The following PABPC1L variants were observed in gnomAD, a reference collection of about 807,000 sequenced individuals.
PABPC1L encodes polyadenylate-binding protein 1-like.
In PABPC1L, 31 loss-of-function variants were observed where a neutral mutation model predicts 66.6. The observed-to-expected ratio is 0.47, with a 90% CI of 0.35 to 0.63. The LOEUF is 0.63. PABPC1L is among the 20% of genes least tolerant of loss of function. The pLI, the probability that PABPC1L is intolerant of heterozygous loss-of-function variation, is 0.00. For missense variants in PABPC1L, 722 were observed against 848.8 expected (o/e 0.85, Z 1.86); for synonymous variants, 348 against 335.1 (o/e 1.04, Z -0.42).
chr20:44,930,769 C>T lies in PABPC1L; in HGVS notation c.1239+43C>T, dbSNP rs2066847044. 1.9e-6 allele frequency: 3 copies of T among 1,593,136 alleles called. No individual in the cohort carries two copies. The African/African-American group carries it at 4.0e-5, about 21-fold the overall frequency. Reference sequence around the variant, plus strand: ...ACTCCCACCGCAGCCTTCCCCCCTGCCCCAGCAAGGCAGAGCATGAAGACT... The same window carrying T: ...ACTCCCACCGCAGCCTTCCCCCCTGTCCCAGCAAGGCAGAGCATGAAGACT... On this transcript the variant is annotated intron_variant, in intron 8 of 14. Coordinates refer to ENST00000217073, the MANE Select transcript of PABPC1L (RefSeq NM_001372179.1).
intron 13 of PABPC1L, 97 bp downstream of exon 13, chr20:44,938,288 A>C: frequency 6.9e-7 from 1 of 1,457,280 alleles, no homozygotes; most frequent in Non-Finnish European, 9.1e-7. Flanking sequence ...CTGTTTGGCC[A>C]GATAAAGTGT....
At chr20:44,937,979 C>T in intron 12 of PABPC1L, 82 bp from the exon 13 acceptor site, 2 of 1,583,946 alleles carry the variant, frequency 1.3e-6, no homozygotes, top group Non-Finnish European at 1.7e-6. Context: ...CAGATGTCCT[C>T]AGTGCTCCAC....
chr20:44,924,075 TGTACCTGCGTCA>T, intron 6 of PABPC1L, 74 bp from the exon 7 acceptor site: 1 of 1,111,090 alleles, frequency 9.0e-7, no homozygotes, highest in East Asian at 2.4e-5. Flanking sequence ...CCATGCCCCT[TGTACCTGCGTCA>T]GTTCCCTGAT....
chr20:44,923,711 C>T (rs1018915758), intron 6 of PABPC1L, among the ~76,000 whole-genome samples: 4 of 152,016 alleles, frequency 2.6e-5, no homozygotes, highest in East Asian at 1.9e-4. Context: ...AGTAAGTGCC[C>T]GAGGTTCCTG....
chr20:44,930,448 T>G lies in PABPC1L; in HGVS notation c.973-12T>G. On this transcript the variant is annotated splice_polypyrimidine_tract_variant and intron_variant, in intron 7 of 14. Coordinates refer to ENST00000217073, the MANE Select transcript of PABPC1L (RefSeq NM_001372179.1). ...CCCCACCCCAGCAGCTCTTGTCTTGTCTTGCTTTTAGGTGATGACAGAGGG... is the reference window on the plus strand; with the variant it reads ...CCCCACCCCAGCAGCTCTTGTCTTGGCTTGCTTTTAGGTGATGACAGAGGG... 6.2e-7 allele frequency: 1 copy of G among 1,608,316 alleles called. No individual in the cohort carries two copies. The highest frequency in any genetic ancestry group is 8.5e-7 in the Non-Finnish European group (1 of 1,176,234).
chr20:44,918,819 A>G, intron 3 of PABPC1L, 87 bp from the exon 4 acceptor site: 1 of 1,466,202 alleles, frequency 6.8e-7, no homozygotes, highest in African/African-American at 1.4e-5. Flanking sequence ...AGCCTGGAGA[A>G]GGGCAGCAGT....
At chr20:44,919,349 C>G in intron 5 of PABPC1L, 72 bp downstream of exon 5, 3 of 1,514,778 alleles carry the variant, frequency 2.0e-6, no homozygotes, top group East Asian at 2.3e-5. Flanking sequence ...GTCCCAGCTG[C>G]CTGTGGAGGG....
Position 44,933,070 on chromosome 20 carries a change from AG to A in PABPC1L, c.1346del (p.Gly449ValfsTer38), listed in dbSNP as rs1398655379. On this transcript the variant is annotated frameshift_variant, in exon 10 of 15. Transcript: ENST00000217073. LOFTEE classifies it high-confidence loss of function. ...CTGCACCACAAGCTGCCTACCCTCC[AG>A]GTGCCTCAATGGTCCGGCCACCAGT... ...PPRPSSAYPP[G>X]ASMVRPPVVP... 6.3e-7 allele frequency: 1 copy of A among 1,588,156 alleles called. No individual in the cohort carries two copies. The highest frequency in any genetic ancestry group is 8.6e-7 in the Non-Finnish European group (1 of 1,167,946).
chr20:44,922,800 A>G (rs2066783407), intron 6 of PABPC1L, among the ~76,000 whole-genome samples: 1 of 152,208 alleles, frequency 6.6e-6, no homozygotes, highest in African/African-American at 2.4e-5. Context: ...CCTGGGGGAC[A>G]TTTGGCAATG....
Position 44,910,139 on chromosome 20 carries a change from C to T in PABPC1L, c.-5C>T, listed in dbSNP as rs1251054911. 4.5e-6 allele frequency: 7 copies of T among 1,556,924 alleles called. No individual in the cohort carries two copies. The highest frequency in any genetic ancestry group is 6.1e-6 in the Non-Finnish European group (7 of 1,150,944). ...TTGCCCCGCAGCCCCGGCCCCCTGCCCACCATGAACGCCAGCGGTTCTGGC... is the reference window on the plus strand; with the variant it reads ...TTGCCCCGCAGCCCCGGCCCCCTGCTCACCATGAACGCCAGCGGTTCTGGC... On this transcript the variant is annotated 5_prime_UTR_variant, in exon 1 of 15. Transcript: ENST00000217073.
chr20:44,931,441 T>C (rs1415607259), intron 8 of PABPC1L: 1 of 152,116 alleles, frequency 6.6e-6, no homozygotes, highest in Non-Finnish European at 1.5e-5. Flanking sequence ...CCTCCCAAAG[T>C]GCTGGCATTA....
Position 44,938,705 on chromosome 20 carries a change from A to G in PABPC1L, c.1823A>G (p.His608Arg). The G allele has an allele frequency of 6.2e-7, 1 of 1,611,952 alleles. No homozygotes were observed. The highest frequency in any genetic ancestry group is 8.5e-7 in the Non-Finnish European group (1 of 1,179,274). Residue 608 changes from histidine (H) to arginine (R), a missense_variant, in exon 14 of 15, where the codon CAC (histidine) becomes CGC (arginine). His to Arg is a conservative substitution (Grantham distance 29). This residue lies in a region of PABPC1L where 301 missense variants were observed against 337.2 expected (regional missense o/e 0.89). Transcript: ENST00000217073. ...IDEAVAVLQA[H>R]QAMEQPKAYM... ...GAGGCAGTGGCCGTGCTGCAGGCAC[A>G]CCAGGCTATGGAGCAGCCGAAGGCG...
intron 5 of PABPC1L, among the ~76,000 whole-genome samples, chr20:44,919,792 A>G (rs2066760843): frequency 6.6e-6 from 1 of 152,200 alleles, no homozygotes. Flanking sequence ...CCAGCTGGAC[A>G]AAACGGCAAG....
intron 8 of PABPC1L, 144 bp downstream of exon 8, chr20:44,930,870 T>G (rs2066847813): frequency 1.7e-6 from 2 of 1,149,094 alleles, no homozygotes; most frequent in Non-Finnish European, 2.4e-6. Flanking sequence ...TCCCTCTCTA[T>G]AAAAGGGAGA....
chr20:44,916,681 G>A (rs1302999399), intron 2 of PABPC1L, 75 bp from the exon 3 acceptor site: 7 of 1,388,384 alleles, frequency 5.0e-6, no homozygotes, highest in East Asian at 2.3e-5. Context: ...GAGACTGGTC[G>A]TGATCACCTT....
intron 5 of PABPC1L, among the ~76,000 whole-genome samples, chr20:44,920,764 C>T (rs775526393): frequency 6.6e-6 from 1 of 150,516 alleles, no homozygotes; most frequent in Non-Finnish European, 1.5e-5. Flanking sequence ...CCACCATGCC[C>T]GGCCATATTT....
At chr20:44,928,109 C>G (rs185852307) in intron 7 of PABPC1L, among the ~76,000 whole-genome samples, 16 of 152,280 alleles carry the variant, frequency 1.1e-4, no homozygotes, top group African/African-American at 3.6e-4. Flanking sequence ...CACTCTGTCG[C>G]CCAGACTGGA....
At chr20:44,916,671 G>A in intron 2 of PABPC1L, 85 bp from the exon 3 acceptor site, 1 of 1,279,340 alleles carries the variant, frequency 7.8e-7, no homozygotes. Context: ...CAGGCATGCA[G>A]AGACTGGTCG....
At chr20:44,925,120 G>A (rs993227999) in intron 7 of PABPC1L, among the ~76,000 whole-genome samples, 3 of 151,172 alleles carry the variant, frequency 2.0e-5, no homozygotes, top group Non-Finnish European at 4.4e-5. Context: ...GGCTGAGGCA[G>A]GAGAATGGCA....
Sources: allele counts gnomAD v4.1 joint callset (sites outside exome capture counted in the v4.1 genomes callset), GRCh38; gene constraint gnomAD v4.1.1; regional missense constraint gnomAD v4.1.1; transcripts MANE v1.5; gene names NCBI Gene and HGNC (gene_info 2026-07-23, HGNC 2026-07-21).